The following TMEM245 variants were observed in gnomAD, a reference collection of about 807,000 sequenced individuals.
The protein encoded by TMEM245 is protein CG-2.
A neutral mutation model predicts 101.2 loss-of-function variants in TMEM245; 69 were observed. The observed-to-expected ratio is 0.68, with a 90% CI of 0.56 to 0.83. The LOEUF (loss-of-function observed/expected upper bound fraction) is 0.83, where lower values mean the gene tolerates loss of function less well. Among genes scored for constraint, TMEM245 ranks in the 40% least tolerant of loss-of-function variants. The pLI, the probability that TMEM245 is intolerant of heterozygous loss-of-function variation, is 0.00. For synonymous variants in TMEM245, 537 were observed against 449.8 expected (o/e 1.19, Z -2.45); for missense variants, 1,075 against 1,092.8 (o/e 0.98, Z 0.23).
intron 12 of TMEM245, among the ~76,000 whole-genome samples, chr9:109,055,681 C>CTGGA: frequency 6.7e-6 from 1 of 150,294 alleles, no homozygotes; most frequent in Middle Eastern, 3.4e-3. Flanking sequence ...GTTACCCAGG[C>CTGGA]TGGAGCTCAG....
chr9:109,028,897 C>T (rs1188607983), intron 17 of TMEM245, among the ~76,000 whole-genome samples: 1 of 152,194 alleles, frequency 6.6e-6, no homozygotes, highest in Non-Finnish European at 1.5e-5. Flanking sequence ...CCAACTCTGA[C>T]TGCAGATTTT....
chr9:109,054,311 T>G (rs886237390), intron 12 of TMEM245, among the ~76,000 whole-genome samples: 5 of 152,194 alleles, frequency 3.3e-5, no homozygotes, highest in African/African-American at 1.2e-4. Flanking sequence ...ACTACTGCAC[T>G]ACAGCCTAAT....
chr9:109,035,156 C>CAAAAAAAA (rs778574292), intron 16 of TMEM245, among the ~76,000 whole-genome samples: 2 of 51,322 alleles, frequency 3.9e-5, no homozygotes, highest in African/African-American at 1.4e-4. Context: ...GACTCTGTCT[C>CAAAAAAAA]AAAAAAAAAA....
At chr9:109,063,025 C>T (rs1829061313) in intron 10 of TMEM245, among the ~76,000 whole-genome samples, 3 of 152,278 alleles carry the variant, frequency 2.0e-5, no homozygotes, top group Admixed American at 2.0e-4. Context: ...GTTGGTGGTG[C>T]CTGATATGCC....
intron 7 of TMEM245, among the ~76,000 whole-genome samples, chr9:109,082,537 T>C (rs1829697224): frequency 6.6e-6 from 1 of 152,212 alleles, no homozygotes; most frequent in Non-Finnish European, 1.5e-5. Flanking sequence ...TAGCACGTGG[T>C]AAGCATTCAA....
chr9:109,045,919 ATTC>A (rs551813567), intron 14 of TMEM245, among the ~76,000 whole-genome samples: 105 of 152,332 alleles, frequency 6.9e-4, no homozygotes, highest in African/African-American at 2.4e-3. Flanking sequence ...ACAGCTTTAC[ATTC>A]TTCCTTATAC....
At chr9:109,060,231 G>C (rs1233377074) in intron 11 of TMEM245, 123 bp downstream of exon 11, 16 of 699,476 alleles carry the variant, frequency 2.3e-5, no homozygotes, top group Non-Finnish European at 3.7e-5. Flanking sequence ...TGAGGCTTAA[G>C]GTTTTGCTGT....
rs1471166374 is a variant in TMEM245, at chr9:109,073,381, G to A, written c.1507C>T (p.Leu503=). Residue 503 remains leucine, a synonymous_variant, in exon 9 of 18, where the codon CTA becomes TTA. Coordinates refer to ENST00000374586, the MANE Select transcript of TMEM245 (RefSeq NM_032012.4). The part of the protein sequence containing the change: ...EVTSNLINET[L]ANHPEWANWL... Reference sequence around the variant, plus strand: ...TTTGCCCACTCAGGGTGATTTGCTAGAGTTTCATTAATCAAATTACTTGTG... The same window carrying A: ...TTTGCCCACTCAGGGTGATTTGCTAAAGTTTCATTAATCAAATTACTTGTG... 2 of 1,612,868 alleles carry A rather than the reference G, an allele frequency of 1.2e-6. No homozygotes were observed. The highest frequency in any genetic ancestry group is 2.2e-5 in the South Asian group (2 of 91,066).
intron 16 of TMEM245, among the ~76,000 whole-genome samples, chr9:109,035,156 CAAAA>C (rs778574292): frequency 1.4e-4 from 7 of 51,324 alleles, no homozygotes; most frequent in Admixed American, 2.2e-4. Context: ...GACTCTGTCT[CAAAA>C]AAAAAAAAAA....
chr9:109,078,228 T>C (rs1261437312), intron 8 of TMEM245, among the ~76,000 whole-genome samples: 2 of 152,338 alleles, frequency 1.3e-5, no homozygotes, highest in South Asian at 2.1e-4. Flanking sequence ...TACATATACA[T>C]AGCTCATCTA....
intron 9 of TMEM245, among the ~76,000 whole-genome samples, chr9:109,072,088 T>C (rs1394294278): frequency 1.3e-5 from 2 of 152,186 alleles, no homozygotes; most frequent in African/African-American, 2.4e-5. Flanking sequence ...GAAAAGGGCT[T>C]GTGGGGTGCC....
chr9:109,033,234 G>C (rs989014255), intron 17 of TMEM245, 73 bp downstream of exon 17: 2 of 1,408,952 alleles, frequency 1.4e-6, no homozygotes, highest in African/African-American at 2.9e-5. Context: ...TCTGGATGAA[G>C]CTACTTATCA....
At position 109,087,168 on chromosome 9, in the gene TMEM245, A is replaced by G; in HGVS notation, c.1320+5T>C. The G allele has an allele frequency of 6.2e-7, 1 of 1,602,148 alleles. No individual in the cohort carries two copies. The highest frequency in any genetic ancestry group is 8.5e-7 in the Non-Finnish European group (1 of 1,176,822). On this transcript the variant is annotated splice_donor_5th_base_variant and intron_variant, in intron 6 of 17. Coordinates refer to ENST00000374586, the MANE Select transcript of TMEM245 (RefSeq NM_032012.4). ...AAGACAGCCCAAGTCCTTAAAATAC[A>G]ATACCTTGCTATCAACTTTTAACAA...
At chr9:109,092,966 G>A (rs1247182610) in intron 4 of TMEM245, among the ~76,000 whole-genome samples, 5 of 152,112 alleles carry the variant, frequency 3.3e-5, no homozygotes, top group South Asian at 4.1e-4. Context: ...ATGGATGACT[G>A]CAAGATGGAA....
At chr9:109,070,660 C>G (rs551405472) in intron 9 of TMEM245, among the ~76,000 whole-genome samples, 30 of 152,244 alleles carry the variant, frequency 2.0e-4, no homozygotes, top group African/African-American at 7.0e-4. Context: ...TATGATGATT[C>G]TACTTCTCTA....
chr9:109,089,032 T>C (rs1166794082), intron 5 of TMEM245, among the ~76,000 whole-genome samples: 4 of 151,686 alleles, frequency 2.6e-5, no homozygotes, highest in Non-Finnish European at 5.9e-5. Context: ...TCCCAGCACT[T>C]TGGGAAGCCA....
intron 12 of TMEM245, among the ~76,000 whole-genome samples, chr9:109,056,180 T>C (rs1828829564): frequency 6.6e-6 from 1 of 152,140 alleles, no homozygotes. Flanking sequence ...GCTAAAAGAA[T>C]TGGCAGTTGT....
In TMEM245 at chr9:109,090,354, A is replaced by C. The variant is rs532290346; in HGVS notation, c.1150+568T>G. On this transcript the variant is annotated intron_variant, in intron 5 of 17. Transcript: ENST00000374586. ...CAGAATCATGGATGGCTAAACAATC[A>C]AATCTCTCTATGGAGCTATTAATCT... Among the ~76,000 whole-genome samples the C allele has an allele frequency of 3.0e-3, 458 of 152,324 alleles. 4 individuals carry two copies. Among genetic ancestry groups the C allele is most frequent in the Admixed American group, 2.8e-3 (43 of 15,304 alleles).
chr9:109,020,913 T>C (rs891295336), intron 17 of TMEM245, among the ~76,000 whole-genome samples: 2 of 152,204 alleles, frequency 1.3e-5, no homozygotes, highest in Admixed American at 1.3e-4. Context: ...AAAGATTAAA[T>C]GCTAAGTGGA....
Sources: allele counts gnomAD v4.1 joint callset (sites outside exome capture counted in the v4.1 genomes callset), GRCh38; gene constraint gnomAD v4.1.1; transcripts MANE v1.5; gene names NCBI Gene and HGNC (gene_info 2026-07-23, HGNC 2026-07-21).